Variants in DMD observed in about 807,000 individuals in gnomAD.
DMD encodes the protein mutant dystrophin.
A neutral mutation model predicts 330.1 loss-of-function variants in DMD; 63 were observed. The ratio of observed to expected loss-of-function variants is 0.19; its 90% CI spans 0.16 to 0.24. DMD has a LOEUF of 0.24. Among genes scored for constraint, DMD ranks in the 10% least tolerant of loss-of-function variants. The probability of loss-of-function intolerance (pLI) is 1.00; values close to 1 mark genes in which losing one functional copy is unlikely to be tolerated. For missense variants in DMD, 3,344 were observed against 2,684.1 expected, an observed-to-expected ratio of 1.25 and a Z score of -5.43; for synonymous variants, 1,223 against 959.8, an observed-to-expected ratio of 1.27 and a Z score of -5.07.
intron 60 of DMD, among the ~76,000 whole-genome samples, chrX:31,415,605 C>T (rs915603028): frequency 2.7e-5 from 3 of 111,766 alleles, no homozygotes; most frequent in Non-Finnish European, 5.6e-5. Flanking sequence ...ATCATCGTAG[C>T]CAAAGTCTCA....
chrX:33,070,924 A>C (rs1020756601), intron 1 of DMD, among the ~76,000 whole-genome samples: 1 of 109,320 alleles, frequency 9.1e-6, no homozygotes, highest in East Asian at 2.9e-4. Context: ...AAATGATTAA[A>C]TCAAGTCTTT....
chrX:32,236,790 G>A (rs931620674), intron 43 of DMD, among the ~76,000 whole-genome samples: 16 of 111,694 alleles, frequency 1.4e-4, no homozygotes, highest in Admixed American at 9.5e-4. Context: ...CATGAAAACC[G>A]ACTAATATGA....
At chrX:32,006,327 G>C (rs2095661100) in intron 44 of DMD, among the ~76,000 whole-genome samples, 1 of 111,831 alleles carries the variant, frequency 8.9e-6, no homozygotes, top group African/African-American at 3.2e-5. Context: ...TTATTAAGTA[G>C]TGTGAAGACA....
intron 22 of DMD, 152 bp from the exon 23 acceptor site, chrX:32,468,862 TA>T (rs2040329835): frequency 2.1e-6 from 1 of 479,374 alleles, no homozygotes; most frequent in Non-Finnish European, 3.5e-6. Context: ...AGTGGTAATT[TA>T]AATTTTACAT....
intron 63 of DMD, among the ~76,000 whole-genome samples, chrX:31,258,871 A>G (rs138202689): frequency 0.012 from 1,293 of 111,615 alleles, 17 homozygotes; most frequent in African/African-American, 0.04. Flanking sequence ...ATTTCTCATT[A>G]CAGAGTAATT....
chrX:33,194,559 A>G (rs1375486843), intron 1 of DMD, among the ~76,000 whole-genome samples: 1 of 111,915 alleles, frequency 8.9e-6, no homozygotes, highest in African/African-American at 3.2e-5. Context: ...CTTTGGTTGA[A>G]ATTTTATAAG....
chrX:32,680,116 G>A (rs945949943), intron 9 of DMD, among the ~76,000 whole-genome samples: 1 of 107,371 alleles, frequency 9.3e-6, no homozygotes, highest in Non-Finnish European at 1.9e-5. Flanking sequence ...GCTTCACCAT[G>A]TTGGTCAGGC....
intron 47 of DMD, among the ~76,000 whole-genome samples, chrX:31,881,897 T>C (rs900879608): frequency 8.9e-6 from 1 of 112,197 alleles, no homozygotes; most frequent in Admixed American, 9.4e-5. Context: ...AATTTGGTAA[T>C]TCAGACCGAA....
intron 18 of DMD, among the ~76,000 whole-genome samples, chrX:32,511,536 A>AGG (rs2045332378): frequency 5.6e-5 from 6 of 107,552 alleles, no homozygotes; most frequent in Non-Finnish European, 1.2e-4. Flanking sequence ...AAAAAAAAAA[A>AGG]AAAAAAAAAA....
chrX:32,832,554 T>G (rs972541882), intron 4 of DMD, among the ~76,000 whole-genome samples: 6 of 111,532 alleles, frequency 5.4e-5, no homozygotes, highest in African/African-American at 1.9e-4. Context: ...TCTGCCATCA[T>G]GTAGCCAAGC....
chrX:31,132,586 A>G (rs750312863), intron 77 of DMD, among the ~76,000 whole-genome samples: 29 of 111,884 alleles, frequency 2.6e-4, no homozygotes, highest in African/African-American at 9.4e-4. Flanking sequence ...AGGATCATAC[A>G]GTAATCAATG....
intron 2 of DMD, among the ~76,000 whole-genome samples, chrX:32,871,042 A>C (rs1286543922): frequency 1.9e-5 from 2 of 103,360 alleles, no homozygotes; most frequent in Non-Finnish European, 3.9e-5. Context: ...TTTGCAATCT[A>C]TTTACCATTA....
At chrX:32,810,035 T>TCA (rs1320433197) in intron 6 of DMD, among the ~76,000 whole-genome samples, 1 of 106,414 alleles carries the variant, frequency 9.4e-6, no homozygotes, top group Non-Finnish European at 1.9e-5. Flanking sequence ...GGTGGGAGGA[T>TCA]CACCTGAGCC....
intron 56 of DMD, among the ~76,000 whole-genome samples, chrX:31,504,345 G>A (rs995574360): frequency 8.9e-6 from 1 of 111,844 alleles, no homozygotes; most frequent in Non-Finnish European, 1.9e-5. Context: ...GGGAAACTTC[G>A]AAATCATTTG....
chrX:33,206,869 AT>A (rs61385575), intron 1 of DMD, among the ~76,000 whole-genome samples: 1 of 107,488 alleles, frequency 9.3e-6, no homozygotes, highest in African/African-American at 3.4e-5. Context: ...TTTTTATTTT[AT>A]TTTTTTTTAA....
At chrX:33,079,441 T>C (rs1245707404) in intron 1 of DMD, among the ~76,000 whole-genome samples, 1 of 111,804 alleles carries the variant, frequency 8.9e-6, no homozygotes, top group Admixed American at 9.6e-5. Flanking sequence ...CACATAGCCA[T>C]TTAACATAAT....
intron 7 of DMD, among the ~76,000 whole-genome samples, chrX:32,798,946 T>C (rs2076356490): frequency 8.9e-6 from 1 of 111,825 alleles, no homozygotes; most frequent in African/African-American, 3.2e-5. Context: ...CAAAATGTGA[T>C]GATTACAGCA....
intron 41 of DMD, among the ~76,000 whole-genome samples, chrX:32,326,631 G>T (rs1173191628): frequency 8.9e-6 from 1 of 111,961 alleles, no homozygotes; most frequent in East Asian, 2.8e-4. Flanking sequence ...TGGGCTGGGC[G>T]CCATGGCTCA....
intron 2 of DMD, among the ~76,000 whole-genome samples, chrX:32,895,844 CGT>C (rs5902042): frequency 0.27 from 27,199 of 99,371 alleles, 3,036 homozygotes; most frequent in African/African-American, 0.34. Flanking sequence ...TTGGAATGAA[CGT>C]GTGTGTGTGT....
Sources: gnomAD v4.1 joint callset for allele counts (sites outside exome capture counted in the v4.1 genomes callset) on GRCh38, gnomAD v4.1.1 for gene constraint, MANE v1.5 for transcripts, NCBI Gene and HGNC (gene_info 2026-07-23, HGNC 2026-07-21) for gene names.